SMYD1: variants seen among roughly 807,000 people sequenced by gnomAD.
SMYD1 encodes the protein SET and MYND domain containing 1.
In SMYD1, 49 loss-of-function variants were observed where a neutral mutation model predicts 54.0. The observed-to-expected ratio is 0.91, with a 90% CI of 0.72 to 1.15. SMYD1 has a LOEUF of 1.15. Ranked by LOEUF, SMYD1 falls within the 50% of genes most tolerant of loss-of-function variation. The pLI, the probability that SMYD1 is intolerant of heterozygous loss-of-function variation, is 0.00. For missense variants in SMYD1, 653 were observed against 639.6 expected (o/e 1.02, Z -0.23); for synonymous variants, 269 against 234.2 (o/e 1.15, Z -1.36).
At chr2:88,074,546 C>A (rs925278290) in intron 1 of SMYD1, among the ~76,000 whole-genome samples, 1 of 152,190 alleles carries the variant, frequency 6.6e-6, no homozygotes, top group Non-Finnish European at 1.5e-5. Flanking sequence ...AAGACATTGA[C>A]AATTTTTGGG....
chr2:88,073,684 G>A (rs1365142537), intron 1 of SMYD1, among the ~76,000 whole-genome samples: 1 of 152,130 alleles, frequency 6.6e-6, no homozygotes, highest in African/African-American at 2.4e-5. Context: ...CATCAAAGGA[G>A]ATCATACATT....
chr2:88,095,184 G>A (rs1247786066), intron 5 of SMYD1, among the ~76,000 whole-genome samples: 1 of 152,112 alleles, frequency 6.6e-6, no homozygotes, highest in Non-Finnish European at 1.5e-5. Context: ...GCAGAACTGT[G>A]AGCAGAATCA....
chr2:88,092,712 A>G (rs1250546995), intron 4 of SMYD1, among the ~76,000 whole-genome samples: 1 of 152,180 alleles, frequency 6.6e-6, no homozygotes, highest in Non-Finnish European at 1.5e-5. Flanking sequence ...ACTGGCCTGG[A>G]TCTCATGGAA....
At chr2:88,095,046 T>C (rs945535873) in intron 5 of SMYD1, among the ~76,000 whole-genome samples, 6 of 152,088 alleles carry the variant, frequency 3.9e-5, no homozygotes, top group Non-Finnish European at 8.8e-5. Context: ...TGGTATGAAG[T>C]ACCATTCATG....
At chr2:88,086,757 T>A (rs773505707) in intron 2 of SMYD1, among the ~76,000 whole-genome samples, 24 of 152,036 alleles carry the variant, frequency 1.6e-4, no homozygotes, top group Non-Finnish European at 2.2e-4. Flanking sequence ...TTCAATCAAC[T>A]TTCTATTAGT....
Position 88,088,044 on chromosome 2 carries a change from G to T in SMYD1, c.497G>T (p.Ser166Ile). 1 of 1,614,116 alleles carries T rather than the reference G, an allele frequency of 6.2e-7. No homozygotes were observed. The highest frequency in any genetic ancestry group is 8.5e-7 in the Non-Finnish European group (1 of 1,180,006). Residue 166 changes from serine to isoleucine, a missense_variant, in exon 3 of 10, where the codon AGC becomes ATC. Ser to Ile is a moderately radical substitution (Grantham distance 142). Coordinates refer to ENST00000419482, the MANE Select transcript of SMYD1 (RefSeq NM_198274.4). ...TGGCCGCCGCAGAGCCAGCAGTTCAGCATGCAGTACATCTCGCACATCTTC... is the reference window on the plus strand; with the variant it reads ...TGGCCGCCGCAGAGCCAGCAGTTCATCATGCAGTACATCTCGCACATCTTC... ...QYWPPQSQQF[S>I]MQYISHIFGV... is the part of the protein sequence containing the mutation.
chr2:88,093,022 C>T (rs943030778), intron 4 of SMYD1, among the ~76,000 whole-genome samples: 9 of 152,204 alleles, frequency 5.9e-5, no homozygotes, highest in South Asian at 2.1e-4. Flanking sequence ...GGAAAGAACC[C>T]TAGACATGGG....
intron 6 of SMYD1, among the ~76,000 whole-genome samples, chr2:88,099,023 C>G (rs1260466679): frequency 2.0e-5 from 3 of 152,110 alleles, no homozygotes; most frequent in Non-Finnish European, 4.4e-5. Flanking sequence ...AGTTGTGTCT[C>G]TGGACTGTCT....
Position 88,112,622 on chromosome 2 carries a change from C to G in SMYD1, c.*2110C>G, listed in dbSNP as rs1675054001. 6.3e-6 allele frequency: 1 copy of G among 157,664 alleles called. No individual in the cohort carries two copies. The highest frequency in any genetic ancestry group is 1.4e-5 in the Non-Finnish European group (1 of 71,082). 9.8% of individuals were successfully genotyped at this position (157,664 alleles called of 1,614,324 possible). ...ATCTGCCTTTCTTCACTTTGCATTT[C>G]TTCTTGAATCCATTGCAGATTGACT... On this transcript the variant is annotated 3_prime_UTR_variant, in exon 10 of 10. Transcript: ENST00000419482.
At chr2:88,085,221 C>T (rs151260249) in intron 2 of SMYD1, among the ~76,000 whole-genome samples, 60 of 152,268 alleles carry the variant, frequency 3.9e-4, no homozygotes, top group Non-Finnish European at 6.8e-4. Flanking sequence ...AAATACAGAG[C>T]GTTCTAAGTC....
chr2:88,091,912 A>G (rs1488517224), intron 4 of SMYD1, among the ~76,000 whole-genome samples: 1 of 152,102 alleles, frequency 6.6e-6, no homozygotes, highest in Non-Finnish European at 1.5e-5. Flanking sequence ...CAACAAAAAG[A>G]AACTAACAGG....
chr2:88,086,549 C>T (rs1359540271), intron 2 of SMYD1, among the ~76,000 whole-genome samples: 1 of 152,192 alleles, frequency 6.6e-6, no homozygotes, highest in Non-Finnish European at 1.5e-5. Context: ...CCTCCTCTTC[C>T]CCCAGAGCCC....
chr2:88,079,272 G>T (rs1674134790), intron 1 of SMYD1, among the ~76,000 whole-genome samples: 1 of 152,122 alleles, frequency 6.6e-6, no homozygotes, highest in East Asian at 1.9e-4. Flanking sequence ...AGAACATGAG[G>T]GTCATGCCAC....
At chr2:88,069,656 G>A (rs1215278421) in intron 1 of SMYD1, among the ~76,000 whole-genome samples, 1 of 152,146 alleles carries the variant, frequency 6.6e-6, no homozygotes, top group African/African-American at 2.4e-5. Context: ...AGTTGAATGG[G>A]CTTTCATTCC....
intron 7 of SMYD1, among the ~76,000 whole-genome samples, chr2:88,104,669 C>T (rs1193761250): frequency 4.6e-5 from 7 of 152,248 alleles, no homozygotes; most frequent in Non-Finnish European, 8.8e-5. Flanking sequence ...CCCACCACCT[C>T]GGGTTGCCTC....
At chr2:88,104,092 A>G (rs935017052) in intron 7 of SMYD1, among the ~76,000 whole-genome samples, 6 of 151,290 alleles carry the variant, frequency 4.0e-5, no homozygotes, top group Admixed American at 6.6e-5. Context: ...TCAGCCTCCC[A>G]AGTAGCTGGG....
At chr2:88,105,567 G>T (rs1178396087) in intron 7 of SMYD1, among the ~76,000 whole-genome samples, 1 of 152,136 alleles carries the variant, frequency 6.6e-6, no homozygotes, top group Non-Finnish European at 1.5e-5. Context: ...CTATGTAAAT[G>T]CTGTGTAAAT....
intron 1 of SMYD1, among the ~76,000 whole-genome samples, chr2:88,077,728 T>TC (rs1432870937): frequency 6.7e-6 from 1 of 149,750 alleles, no homozygotes; most frequent in Non-Finnish European, 1.5e-5. Context: ...ATTTCTTTTT[T>TC]TTTTTTTTTT....
intron 7 of SMYD1, among the ~76,000 whole-genome samples, chr2:88,104,824 TA>T (rs1674819991): frequency 6.6e-6 from 1 of 152,190 alleles, no homozygotes; most frequent in African/African-American, 2.4e-5. Context: ...CTTTGTAGGG[TA>T]GGGCCTAATC....
Sources: allele counts gnomAD v4.1 joint callset (sites outside exome capture counted in the v4.1 genomes callset), GRCh38; gene constraint gnomAD v4.1.1; transcripts MANE v1.5; gene names NCBI Gene and HGNC (gene_info 2026-07-23, HGNC 2026-07-21).